THSD4: variants seen among roughly 807,000 people sequenced by gnomAD.
THSD4 encodes the protein thrombospondin type-1 domain-containing protein 4.
THSD4 carries 69 observed loss-of-function variants against 119.0 expected under a neutral mutation model. The observed-to-expected ratio is 0.58, with a 90% CI of 0.48 to 0.71. The LOEUF (loss-of-function observed/expected upper bound fraction) is 0.71. Ranked by LOEUF, THSD4 falls within the 30% of genes least tolerant of loss-of-function variation. The pLI, the probability that THSD4 is intolerant of heterozygous loss-of-function variation, is 0.00. For missense variants in THSD4, 1,393 were observed against 1,391.1 expected (o/e 1.00, Z -0.02); for synonymous variants, 524 against 540.4 (o/e 0.97, Z 0.42).
At chr15:71,221,432 C>T (rs2043974995) in intron 4 of THSD4, among the ~76,000 whole-genome samples, 1 of 152,192 alleles carries the variant, frequency 6.6e-6, no homozygotes, top group African/African-American at 2.4e-5. Context: ...ACAATAACTT[C>T]ACATTCCTTC....
chr15:71,633,269 C>CTTTTTTTTTTTTTTTTTTTTTTTTTTTT (rs67682951), intron 7 of THSD4, among the ~76,000 whole-genome samples: 2 of 63,162 alleles, frequency 3.2e-5, no homozygotes, highest in Non-Finnish European at 5.9e-5. Context: ...TTCTTTCTTT[C>CTTTTTTTTTTTTTTTTTTTTTTTTTTTT]TTTTTTTTTT....
intron 7 of THSD4, among the ~76,000 whole-genome samples, chr15:71,510,436 G>C (rs1197459451): frequency 6.6e-6 from 1 of 152,242 alleles, no homozygotes; most frequent in Non-Finnish European, 1.5e-5. Context: ...CACGGACATA[G>C]AATATCAGTG....
At chr15:71,667,681 C>T (rs1440605965) in intron 8 of THSD4, among the ~76,000 whole-genome samples, 2 of 152,190 alleles carry the variant, frequency 1.3e-5, no homozygotes, top group African/African-American at 4.8e-5. Context: ...TTACAGGAAA[C>T]ATTGGATGTT....
At chr15:71,142,715 G>A (rs1402529448) in intron 2 of THSD4, among the ~76,000 whole-genome samples, 1 of 152,166 alleles carries the variant, frequency 6.6e-6, no homozygotes. Context: ...CTGTGATGAA[G>A]CTCATCTTAC....
At chr15:71,501,581 G>A (rs1289268765) in intron 7 of THSD4, among the ~76,000 whole-genome samples, 1 of 152,188 alleles carries the variant, frequency 6.6e-6, no homozygotes, top group Non-Finnish European at 1.5e-5. Context: ...GAAGCATTTC[G>A]ACATAGCAAG....
intron 7 of THSD4, among the ~76,000 whole-genome samples, chr15:71,563,678 T>C (rs1031903802): frequency 2.0e-4 from 31 of 152,228 alleles, no homozygotes; most frequent in Admixed American, 1.3e-3. Context: ...TGTAAATACT[T>C]AGCCTCTGAT....
intron 6 of THSD4, among the ~76,000 whole-genome samples, chr15:71,392,729 C>T (rs1325585829): frequency 6.6e-6 from 1 of 152,240 alleles, no homozygotes; most frequent in Non-Finnish European, 1.5e-5. Flanking sequence ...AGCTACACCT[C>T]ATTTAACTCA....
At chr15:71,671,786 A>T (rs1159615197) in intron 8 of THSD4, among the ~76,000 whole-genome samples, 1 of 152,208 alleles carries the variant, frequency 6.6e-6, no homozygotes, top group East Asian at 1.9e-4. Flanking sequence ...CAGAGATCAG[A>T]TGGTTGTAGA....
At chr15:71,491,244 T>G (rs927848065) in intron 7 of THSD4, among the ~76,000 whole-genome samples, 1 of 152,184 alleles carries the variant, frequency 6.6e-6, no homozygotes, top group African/African-American at 2.4e-5. Flanking sequence ...ATTTGGAAAG[T>G]TAAAGAAGGG....
intron 6 of THSD4, among the ~76,000 whole-genome samples, chr15:71,282,885 C>A (rs975441505): frequency 6.6e-6 from 1 of 151,942 alleles, no homozygotes; most frequent in African/African-American, 2.4e-5. Flanking sequence ...ATAATACTTA[C>A]AAACATGCAC....
At chr15:71,221,792 T>C (rs749358654) in intron 4 of THSD4, among the ~76,000 whole-genome samples, 1 of 152,224 alleles carries the variant, frequency 6.6e-6, no homozygotes, top group Non-Finnish European at 1.5e-5. Context: ...TTCTGGATCA[T>C]AGGGTAATCA....
At chr15:71,191,073 G>A (rs1366246589) in intron 3 of THSD4, among the ~76,000 whole-genome samples, 1 of 152,174 alleles carries the variant, frequency 6.6e-6, no homozygotes, top group Non-Finnish European at 1.5e-5. Context: ...TCCTGGGAAC[G>A]TAATTTTTCT....
At chr15:71,130,445 C>T (rs1401753313) in intron 1 of THSD4, among the ~76,000 whole-genome samples, 2 of 152,212 alleles carry the variant, frequency 1.3e-5, no homozygotes, top group Non-Finnish European at 2.9e-5. Flanking sequence ...CTTGGCCTCC[C>T]GAAGTGCTGG....
At chr15:71,635,152 T>A (rs889762979) in intron 7 of THSD4, among the ~76,000 whole-genome samples, 5 of 152,216 alleles carry the variant, frequency 3.3e-5, no homozygotes, top group African/African-American at 1.2e-4. Context: ...CAGCTGTCAC[T>A]TCTATTAACT....
chr15:71,686,335 G>A (rs1051426567), intron 8 of THSD4, among the ~76,000 whole-genome samples: 1 of 152,146 alleles, frequency 6.6e-6, no homozygotes, highest in Non-Finnish European at 1.5e-5. Flanking sequence ...GTATTGCTTT[G>A]GAGAGTGTAG....
At chr15:71,411,478 C>G (rs949035803) in intron 6 of THSD4, among the ~76,000 whole-genome samples, 18 of 151,988 alleles carry the variant, frequency 1.2e-4, no homozygotes, top group Admixed American at 2.6e-4. Flanking sequence ...TGGAAATGTT[C>G]TGGAATTATA....
chr15:71,707,450 A>C (rs1000830718), intron 8 of THSD4, among the ~76,000 whole-genome samples: 4 of 152,212 alleles, frequency 2.6e-5, no homozygotes, highest in African/African-American at 9.6e-5. Flanking sequence ...CAACATGTGA[A>C]TATCAGAGAT....
chr15:71,199,214 T>C (rs1486937532), intron 3 of THSD4, among the ~76,000 whole-genome samples: 1 of 152,204 alleles, frequency 6.6e-6, no homozygotes, highest in East Asian at 1.9e-4. Context: ...CTTTGCTCCC[T>C]ATGATTTTGT....
At chr15:71,255,892 A>G (rs765170656) in intron 5 of THSD4, among the ~76,000 whole-genome samples, 17 of 152,240 alleles carry the variant, frequency 1.1e-4, no homozygotes, top group Non-Finnish European at 1.8e-4. Context: ...TGCCGTGGCT[A>G]CTATTCCATG....
Sources: allele counts gnomAD v4.1 joint callset (sites outside exome capture counted in the v4.1 genomes callset), GRCh38; gene constraint gnomAD v4.1.1; transcripts MANE v1.5; gene names NCBI Gene and HGNC (gene_info 2026-07-23, HGNC 2026-07-21).